Variants in MGAT4C observed in about 807,000 individuals in gnomAD.
MGAT4C encodes the protein alpha-1,3-mannosyl-glycoprotein 4-beta-N-acetylglucosaminyltransferase C.
In MGAT4C, 19 loss-of-function variants were observed where a neutral mutation model predicts 40.1. That is an observed-to-expected ratio of 0.47 (90% CI 0.33 to 0.70). MGAT4C has a LOEUF of 0.70. Among genes scored for constraint, MGAT4C ranks in the 30% least tolerant of loss-of-function variants. The pLI is 0.02. For synonymous variants in MGAT4C, 181 were observed against 187.1 expected (o/e 0.97, Z 0.27); for missense variants, 491 against 563.2 (o/e 0.87, Z 1.30).
intron 4 of MGAT4C, among the ~76,000 whole-genome samples, chr12:86,302,399 TG>T (rs71766886): frequency 0.76 from 110,392 of 145,882 alleles, 43,335 homozygotes; most frequent in Non-Finnish European, 0.83. Flanking sequence ...TTTGTTTGTT[TG>T]GTTGGTTGGT....
At chr12:86,155,705 T>C (rs1193389163) in intron 1 of MGAT4C, among the ~76,000 whole-genome samples, 1 of 152,198 alleles carries the variant, frequency 6.6e-6, no homozygotes, top group Non-Finnish European at 1.5e-5. Flanking sequence ...CAATTATTTA[T>C]ATATTCTATA....
chr12:86,312,099 G>A (rs1193283735), intron 4 of MGAT4C, among the ~76,000 whole-genome samples: 1 of 152,160 alleles, frequency 6.6e-6, no homozygotes, highest in Admixed American at 6.5e-5. Flanking sequence ...TTTGCACAAT[G>A]TGTCCTGCAT....
Position 86,475,152 on chromosome 12 carries a change from T to C in MGAT4C, c.-228-39887A>G, listed in dbSNP as rs142157392. ...TATTTATTTGCAATGTAACTTTTGA[T>C]AAACTTCTCAAACTCTTTAAAACTT... On this transcript the variant is annotated intron_variant, in intron 2 of 7. Coordinates refer to the MGAT4C transcript ENST00000548651. Among the ~76,000 whole-genome samples the C allele has an allele frequency of 1.4e-3, 220 of 152,212 alleles. 4 individuals are homozygous for C. The highest frequency in any genetic ancestry group is 5.0e-3 in the African/African-American group (206 of 41,566).
At chr12:86,579,723 T>G (rs572580052) in intron 2 of MGAT4C, among the ~76,000 whole-genome samples, 19 of 151,728 alleles carry the variant, frequency 1.3e-4, no homozygotes, top group African/African-American at 4.6e-4. Context: ...TAGCATTTCT[T>G]GTAGGACAAG....
At chr12:86,796,426 AC>A (rs1952120648) in intron 1 of MGAT4C, among the ~76,000 whole-genome samples, 1 of 151,970 alleles carries the variant, frequency 6.6e-6, no homozygotes, top group Admixed American at 6.6e-5. Context: ...ACATGGATGA[AC>A]CTGGAGGACA....
chr12:86,052,330 A>T (rs1305031089), intron 1 of MGAT4C, among the ~76,000 whole-genome samples: 18 of 151,832 alleles, frequency 1.2e-4, no homozygotes. Flanking sequence ...ATTATTGTTG[A>T]TTTGTAATGG....
chr12:86,173,776 G>A (rs1350575732), intron 1 of MGAT4C, among the ~76,000 whole-genome samples: 2 of 152,018 alleles, frequency 1.3e-5, no homozygotes, highest in African/African-American at 2.4e-5. Flanking sequence ...GAAAAAAAGG[G>A]ATGGGGATTT....
chr12:86,270,961 C>G (rs75539694), intron 4 of MGAT4C, among the ~76,000 whole-genome samples: 3 of 152,054 alleles, frequency 2.0e-5, no homozygotes, highest in African/African-American at 7.2e-5. Flanking sequence ...ATTGGAGAGC[C>G]AAATGCAGAC....
chr12:86,212,109 T>C (rs1451993049), intron 1 of MGAT4C, among the ~76,000 whole-genome samples: 4 of 152,222 alleles, frequency 2.6e-5, no homozygotes, highest in African/African-American at 9.6e-5. Flanking sequence ...CATTACTTTA[T>C]GGCTGGTGTG....
chr12:86,423,188 TA>T (rs961410763), intron 3 of MGAT4C, among the ~76,000 whole-genome samples: 16 of 152,012 alleles, frequency 1.1e-4, no homozygotes, highest in Non-Finnish European at 1.5e-4. Context: ...GTTTTAAGAC[TA>T]AAAAAAGTTT....
At chr12:85,986,922 A>G (rs1016932384) in intron 3 of MGAT4C, among the ~76,000 whole-genome samples, 1 of 152,056 alleles carries the variant, frequency 6.6e-6, no homozygotes, top group Non-Finnish European at 1.5e-5. Context: ...AATCATTGAA[A>G]AAGTTTTCAA....
intron 2 of MGAT4C, among the ~76,000 whole-genome samples, chr12:86,705,313 A>T (rs908144455): frequency 1.2e-4 from 18 of 151,992 alleles, no homozygotes; most frequent in African/African-American, 4.1e-4. Flanking sequence ...AATGAAATAC[A>T]ATTGGTTATA....
At chr12:86,067,002 A>T (rs1189148289) in intron 1 of MGAT4C, among the ~76,000 whole-genome samples, 1 of 152,230 alleles carries the variant, frequency 6.6e-6, no homozygotes, top group Non-Finnish European at 1.5e-5. Flanking sequence ...TCAAAACCAC[A>T]ATGAAATACC....
chr12:86,418,224 G>A (rs971744757), intron 3 of MGAT4C, among the ~76,000 whole-genome samples: 7 of 152,116 alleles, frequency 4.6e-5, no homozygotes, highest in African/African-American at 1.7e-4. Flanking sequence ...AATGATCAGA[G>A]CATATGATTT....
chr12:85,983,646 C>A lies in MGAT4C; in HGVS notation c.172G>T (p.Glu58Ter). The A allele has an allele frequency of 6.3e-7, 1 of 1,587,438 alleles. No individual in the cohort carries two copies. Among genetic ancestry groups the A allele is most frequent in the Non-Finnish European group, 8.6e-7 (1 of 1,168,598 alleles). ...GAATTCAGTTGATGTGTGGATGTTT[C>A]CCTTATAAGTTGTTTGTCTCCTTCC... is the stretch of plus-strand genomic sequence containing the variant. ...VLEGDKQLIR[E>*]TSTHQLNSER... Residue 58 changes from glutamate to a stop codon, truncating the protein, a stop_gained, in exon 4 of 5, where the codon GAA becomes TAA. Coordinates refer to ENST00000611864, the MANE Select transcript of MGAT4C (RefSeq NM_001351288.2). LOFTEE classifies it high-confidence loss of function.
At chr12:86,249,498 T>G (rs1446934846) in intron 1 of MGAT4C, among the ~76,000 whole-genome samples, 1 of 152,204 alleles carries the variant, frequency 6.6e-6, no homozygotes, top group Non-Finnish European at 1.5e-5. Flanking sequence ...ATTCCTCATT[T>G]TCTCAAAACC....
chr12:86,290,713 GAA>G (rs147119867), intron 4 of MGAT4C, among the ~76,000 whole-genome samples: 18 of 111,808 alleles, frequency 1.6e-4, no homozygotes, highest in African/African-American at 4.1e-4. Context: ...GTTAAGGAAA[GAA>G]AAAAAAAAAA....
intron 2 of MGAT4C, among the ~76,000 whole-genome samples, chr12:86,614,637 A>C (rs993092268): frequency 6.7e-6 from 1 of 150,214 alleles, no homozygotes; most frequent in Non-Finnish European, 1.5e-5. Context: ...GTTAAACAAT[A>C]TATTTGCAAA....
intron 3 of MGAT4C, among the ~76,000 whole-genome samples, chr12:86,434,179 A>G (rs1279743680): frequency 6.6e-6 from 1 of 152,066 alleles, no homozygotes; most frequent in Non-Finnish European, 1.5e-5. Flanking sequence ...AATCTGAATC[A>G]TACAAGTTTA....
Sources: gnomAD v4.1 joint callset for allele counts (sites outside exome capture counted in the v4.1 genomes callset) on GRCh38, gnomAD v4.1.1 for gene constraint, MANE v1.5 for transcripts, NCBI Gene and HGNC (gene_info 2026-07-23, HGNC 2026-07-21) for gene names.